IQSEC1: variants seen among roughly 807,000 people sequenced by gnomAD.
IQSEC1 encodes the protein IQ motif and Sec7 domain ArfGEF 1.
IQSEC1 carries 31 observed loss-of-function variants against 91.0 expected under a neutral mutation model. That is an observed-to-expected ratio of 0.34 (90% CI 0.26 to 0.46). IQSEC1 has a LOEUF of 0.46. Ranked by LOEUF, IQSEC1 falls within the 20% of genes least tolerant of loss-of-function variation. IQSEC1 has a pLI of 1.00. For missense variants in IQSEC1, 1,388 were observed against 1,575.6 expected, an observed-to-expected ratio of 0.88 and a Z score of 2.02; for synonymous variants, 699 against 662.6, an observed-to-expected ratio of 1.05 and a Z score of -0.84.
At chr3:13,116,331 C>T (rs1417875026) in intron 2 of IQSEC1, among the ~76,000 whole-genome samples, 4 of 152,222 alleles carry the variant, frequency 2.6e-5, no homozygotes, top group Non-Finnish European at 5.9e-5. Context: ...TACTCTGACT[C>T]TGCCCATTCT....
At chr3:13,234,292 G>A (rs1292346579) in intron 1 of IQSEC1, among the ~76,000 whole-genome samples, 1 of 150,226 alleles carries the variant, frequency 6.7e-6, no homozygotes, top group African/African-American at 2.5e-5. Flanking sequence ...GTCTGTGCCT[G>A]TGGGTGTGAG....
rs375479084 is a variant in IQSEC1, at chr3:13,036,175, G to A, written c.23+36817C>T. ...TGTGTTACACCGTCATAACAACCGC[G>A]ACAGTTACATGCAGTCAGAAAGTAT... On this transcript the variant is annotated intron_variant, in intron 1 of 13. Coordinates refer to ENST00000613206, the MANE Select transcript of IQSEC1 (RefSeq NM_001134382.3). Among the ~76,000 whole-genome samples the A allele has an allele frequency of 3.5e-4, 54 of 152,260 alleles. 2 individuals are homozygous for A. In the South Asian group the frequency reaches 8.1e-3, roughly 23 times the overall value.
chr3:13,231,294 C>T (rs768074693), intron 1 of IQSEC1, among the ~76,000 whole-genome samples: 3 of 152,240 alleles, frequency 2.0e-5, no homozygotes, highest in African/African-American at 7.2e-5. Flanking sequence ...TGTGTGCCCA[C>T]GTGTGCACAC....
intron 12 of IQSEC1, among the ~76,000 whole-genome samples, chr3:12,906,978 C>T (rs1695051433): frequency 1.3e-5 from 2 of 152,178 alleles, no homozygotes; most frequent in African/African-American, 4.8e-5. Context: ...ATTCTGTCCC[C>T]CAGGGGATAC....
chr3:13,036,213 A>G (rs567671414), intron 1 of IQSEC1, among the ~76,000 whole-genome samples: 1 of 152,280 alleles, frequency 6.6e-6, no homozygotes, highest in South Asian at 2.1e-4. Context: ...ATTAGTGTGG[A>G]GGAGACACGA....
chr3:13,078,816 C>T (rs1457448689), intron 2 of IQSEC1, among the ~76,000 whole-genome samples: 1 of 152,166 alleles, frequency 6.6e-6, no homozygotes, highest in Admixed American at 6.5e-5. Flanking sequence ...CCCAGCTGCC[C>T]CAGGGGGTTC....
intron 1 of IQSEC1, among the ~76,000 whole-genome samples, chr3:13,262,931 G>C (rs1034779253): frequency 6.6e-6 from 1 of 152,182 alleles, no homozygotes; most frequent in African/African-American, 2.4e-5. Flanking sequence ...CAGAGTTTCA[G>C]TGTGGGAGGA....
Position 12,900,584 on chromosome 3 carries a change from GTTTGT to G in IQSEC1, c.*394_*398del, listed in dbSNP as rs931233935. ...GAGCAATAATGCAGCAAGTTTTGGG[GTTTGT>G]TTTGTCTGTTTTTGTATCTCATTTC... On this transcript the variant is annotated 3_prime_UTR_variant, in exon 14 of 14. Coordinates refer to ENST00000613206, the MANE Select transcript of IQSEC1 (RefSeq NM_001134382.3). 4.3e-5 allele frequency: 44 copies of G among 1,016,616 alleles called. No individual in the cohort carries two copies. Among genetic ancestry groups the G allele is most frequent in the Middle Eastern group, 4.9e-4 (1 of 2,058 alleles). 63.0% of individuals were successfully genotyped at this position (1,016,616 alleles called of 1,614,324 possible). A position where few individuals can be genotyped will look rare whatever the true frequency, so the allele number is the denominator to read the frequency against.
Position 12,899,315 on chromosome 3 carries a change from A to G in IQSEC1, c.*1668T>C. 5 of 1,526,708 alleles carry G rather than the reference A, an allele frequency of 3.3e-6. No homozygotes were observed. The East Asian group carries it at 1.2e-4, about 36-fold the overall frequency. 94.6% of individuals were successfully genotyped at this position (1,526,708 alleles called of 1,614,324 possible). On this transcript the variant is annotated 3_prime_UTR_variant, in exon 14 of 14. Transcript: ENST00000613206. ...ACGCGGCCCCGCGGCCCGCAGAGTC[A>G]GGCGTGAGCTTCGCCCTTTCTGAAA...
At chr3:12,957,432 C>T (rs1699979585) in intron 1 of IQSEC1, among the ~76,000 whole-genome samples, 1 of 152,236 alleles carries the variant, frequency 6.6e-6, no homozygotes, top group African/African-American at 2.4e-5. Context: ...TATACACACG[C>T]ACAGAGCCAA....
Position 12,967,701 on chromosome 3 carries a change from G to C in IQSEC1, c.24-25836C>G. On this transcript the variant is annotated intron_variant, in intron 1 of 13. Transcript: ENST00000613206. This position sits in a 1 kb window ranked among gnomAD's most constrained non-coding sequence, Gnocchi z 5.9. ...CCGCCGCCCGCTTGGCGCAGCGCGA[G>C]GCCGGGCCGGAGGAATGTGGCCCTG... 8.8e-7 allele frequency: 1 copy of C among 1,136,066 alleles called. No homozygotes were observed. 70.4% of individuals were successfully genotyped at this position (1,136,066 alleles called of 1,614,324 possible).
At chr3:13,009,694 C>A (rs1374838742) in intron 1 of IQSEC1, among the ~76,000 whole-genome samples, 1 of 151,090 alleles carries the variant, frequency 6.6e-6, no homozygotes, top group African/African-American at 2.4e-5. Context: ...TGTGTATGTA[C>A]TTTGCTGATT....
At chr3:13,042,372 T>C (rs1283750080) in intron 1 of IQSEC1, 1 of 152,208 alleles carries the variant, frequency 6.6e-6, no homozygotes, top group Non-Finnish European at 1.5e-5. Flanking sequence ...ATTTTCACCT[T>C]TTGGTCTCCA....
chr3:13,107,093 C>T (rs534325895), intron 2 of IQSEC1, among the ~76,000 whole-genome samples: 10 of 152,206 alleles, frequency 6.6e-5, no homozygotes, highest in East Asian at 3.8e-4. Flanking sequence ...TCTCATGGCC[C>T]GTGTCCTTTT....
intron 1 of IQSEC1, among the ~76,000 whole-genome samples, chr3:13,204,243 G>A (rs546448234): frequency 6.6e-6 from 1 of 152,392 alleles, no homozygotes; most frequent in East Asian, 1.9e-4. Flanking sequence ...CTGTCATCGA[G>A]GAAAACCTCA....
intron 2 of IQSEC1, among the ~76,000 whole-genome samples, chr3:13,155,244 A>G (rs948938177): frequency 1.3e-5 from 2 of 152,184 alleles, no homozygotes; most frequent in Non-Finnish European, 2.9e-5. Flanking sequence ...ACGATTCACC[A>G]CTTAGATTGA....
At chr3:13,100,111 G>C (rs1479169188) in intron 2 of IQSEC1, among the ~76,000 whole-genome samples, 3 of 148,078 alleles carry the variant, frequency 2.0e-5, no homozygotes, top group Non-Finnish European at 4.5e-5. Flanking sequence ...CGTGGCGAGG[G>C]CTGCGGGAGC....
chr3:12,965,569 A>G (rs188493094), intron 1 of IQSEC1, among the ~76,000 whole-genome samples: 3 of 152,280 alleles, frequency 2.0e-5, no homozygotes, highest in African/African-American at 7.2e-5. Context: ...AGGCTTCTCA[A>G]CCTCCAAGAC....
chr3:12,915,210 T>G, intron 7 of IQSEC1, 77 bp from the exon 8 acceptor site: 1 of 1,444,680 alleles, frequency 6.9e-7, no homozygotes, highest in Non-Finnish European at 9.6e-7. Flanking sequence ...CAAGTGCCCC[T>G]CCCTACACCT....
Sources: gnomAD v4.1 joint callset for allele counts (sites outside exome capture counted in the v4.1 genomes callset) on GRCh38, gnomAD v4.1.1 for gene constraint, Gnocchi (gnomAD v3.1) non-coding constraint, MANE v1.5 for transcripts, NCBI Gene and HGNC (gene_info 2026-07-23, HGNC 2026-07-21) for gene names.